Variants in RAB28 observed in about 807,000 individuals in gnomAD.
RAB28 encodes RAB28, member RAS oncogene family, also known as ras-related protein Rab-28.
A neutral mutation model predicts 31.7 loss-of-function variants in RAB28; 24 were observed. The ratio of observed to expected loss-of-function variants is 0.76; its 90% CI spans 0.55 to 1.06. The LOEUF is 1.06. Among genes scored for constraint, RAB28 ranks in the 50% least tolerant of loss-of-function variants. The probability of loss-of-function intolerance (pLI) is 0.00; values close to 1 mark genes in which losing one functional copy is unlikely to be tolerated. For missense variants in RAB28, 254 were observed against 258.5 expected (o/e 0.98, Z 0.12); for synonymous variants, 100 against 90.4 (o/e 1.11, Z -0.60).
Position 13,367,777 on chromosome 4 carries a change from C to G in RAB28, c.*781G>C. 1.0e-6 allele frequency: 1 copy of G among 985,206 alleles called. No individual in the cohort carries two copies. The highest frequency in any genetic ancestry group is 4.7e-5 in the South Asian group (1 of 21,272). 61.0% of individuals were successfully genotyped at this position (985,206 alleles called of 1,614,324 possible). A position where few individuals can be genotyped will look rare whatever the true frequency, so the allele number is the denominator to read the frequency against. On this transcript the variant is annotated 3_prime_UTR_variant, in exon 7 of 7. Coordinates refer to ENST00000330852, the MANE Select transcript of RAB28 (RefSeq NM_001017979.3). ...AAAACATCTGAACATCAGGTACAGT[C>G]TGATCCACAATGTCATAACTCATTC...
intron 6 of RAB28, among the ~76,000 whole-genome samples, chr4:13,373,098 G>A (rs992598274): frequency 2.0e-5 from 3 of 152,110 alleles, no homozygotes; most frequent in African/African-American, 7.2e-5. Context: ...TTAACACCAA[G>A]TAGATATGGC....
chr4:13,428,664 C>CA, intron 4 of RAB28, among the ~76,000 whole-genome samples: 1 of 152,130 alleles, frequency 6.6e-6, no homozygotes, highest in East Asian at 1.9e-4. Flanking sequence ...GTCAAAGCCT[C>CA]AAAAAACTGT....
intron 4 of RAB28, among the ~76,000 whole-genome samples, chr4:13,453,582 C>T (rs1715091110): frequency 6.6e-6 from 1 of 151,712 alleles, no homozygotes; most frequent in South Asian, 2.1e-4. Flanking sequence ...AAAAGGATAG[C>T]TTTGCTGGGT....
intron 4 of RAB28, among the ~76,000 whole-genome samples, chr4:13,383,955 T>C (rs1047555758): frequency 2.0e-5 from 3 of 152,168 alleles, no homozygotes; most frequent in African/African-American, 7.2e-5. Context: ...TTGCTTGCAG[T>C]GCAGTCTTGG....
chr4:13,467,069 G>A (rs532008707), intron 3 of RAB28, among the ~76,000 whole-genome samples: 1 of 151,744 alleles, frequency 6.6e-6, no homozygotes, highest in Non-Finnish European at 1.5e-5. Flanking sequence ...AATCTCAGGA[G>A]ATATAAAGAT....
rs79945160 is a variant in RAB28 at position 13,410,649 on chromosome 4, G to A, written c.392-29055C>T. ...AATATGAATGTGAGGCCACAGAGCTGTCAACCCTCAAGCAAACAGTCAATA... is the reference window on the plus strand; with the variant it reads ...AATATGAATGTGAGGCCACAGAGCTATCAACCCTCAAGCAAACAGTCAATA... On this transcript the variant is annotated intron_variant, in intron 4 of 6. Coordinates refer to ENST00000330852, the MANE Select transcript of RAB28 (RefSeq NM_001017979.3). Among the ~76,000 whole-genome samples, 1,474 of 152,210 alleles carry A rather than the reference G, an allele frequency of 9.7e-3. 26 individuals carry two copies. Among genetic ancestry groups the A allele is most frequent in the African/African-American group, 0.034 (1,393 of 41,530 alleles).
intron 6 of RAB28, chr4:13,371,789 A>G (rs1299507289): frequency 1.3e-6 from 2 of 1,546,816 alleles, no homozygotes; most frequent in East Asian, 2.4e-5. Context: ...CCTATAAAAT[A>G]CCAACCTTTA....
rs111708917 is a variant in RAB28 at position 13,421,290 on chromosome 4, T to C, written c.391+39409A>G. On this transcript the variant is annotated intron_variant, in intron 4 of 6. Coordinates refer to ENST00000330852, the MANE Select transcript of RAB28 (RefSeq NM_001017979.3). Reference sequence around the variant, plus strand: ...CAAATGGAAGAACAATCCATGCTCATGAATAGGAAGAATCAGTATTGTGAA... The same window carrying C: ...CAAATGGAAGAACAATCCATGCTCACGAATAGGAAGAATCAGTATTGTGAA... Among the ~76,000 whole-genome samples the C allele has an allele frequency of 1.1e-3, 173 of 152,290 alleles. 2 individuals are homozygous for C. The highest frequency in any genetic ancestry group is 3.4e-3 in the Middle Eastern group (1 of 294).
intron 6 of RAB28, among the ~76,000 whole-genome samples, chr4:13,373,486 C>G (rs1006515901): frequency 6.6e-6 from 1 of 152,106 alleles, no homozygotes; most frequent in African/African-American, 2.4e-5. Flanking sequence ...TCTGGGAGCT[C>G]CTTGAGGATA....
rs114805911 is a variant in RAB28 at position 13,480,721 on chromosome 4, T to C, written c.76-1195A>G. Reference sequence around the variant, plus strand: ...CATTTGTAATAAATTTCGAAGATAATTGGCCAAGTATTTGTTGAGCACTAC... The same window carrying C: ...CATTTGTAATAAATTTCGAAGATAACTGGCCAAGTATTTGTTGAGCACTAC... On this transcript the variant is annotated intron_variant, in intron 1 of 6. Transcript: ENST00000330852. 4.7e-3 allele frequency among the ~76,000 whole-genome samples: 711 copies of C among 152,054 alleles called. 6 individuals carry two copies. Among genetic ancestry groups the C allele is most frequent in the African/African-American group, 0.016 (661 of 41,560 alleles).
chr4:13,425,386 A>T (rs898199041), intron 4 of RAB28, among the ~76,000 whole-genome samples: 2 of 152,212 alleles, frequency 1.3e-5, no homozygotes, highest in East Asian at 3.9e-4. Context: ...CTAAAATTAA[A>T]GACTGAATTC....
chr4:13,373,665 T>C (rs1728804063), intron 6 of RAB28, among the ~76,000 whole-genome samples: 1 of 152,192 alleles, frequency 6.6e-6, no homozygotes, highest in African/African-American at 2.4e-5. Flanking sequence ...TCATTTTATA[T>C]AACTCCCAAA....
intron 4 of RAB28, among the ~76,000 whole-genome samples, chr4:13,407,157 T>G (rs935561773): frequency 1.3e-5 from 2 of 152,240 alleles, no homozygotes; most frequent in African/African-American, 4.8e-5. Flanking sequence ...ATTTAAGTCT[T>G]TAATCATTCT....
chr4:13,401,233 T>C lies in RAB28; in HGVS notation c.392-19639A>G, dbSNP rs189651285. On this transcript the variant is annotated intron_variant, in intron 4 of 6. Transcript: ENST00000330852. ...TTCTTTGTGGAAACATTCCAAATTA[T>C]GAATTCAACTTTTTTCATAAATGCA... Among the ~76,000 whole-genome samples, 6 of 152,350 alleles carry C rather than the reference T, an allele frequency of 3.9e-5. No homozygotes were observed. The East Asian group carries it at 1.2e-3, about 29-fold the overall frequency.
At chr4:13,479,607 C>A in intron 1 of RAB28, 81 bp from the exon 2 acceptor site, 2 of 937,966 alleles carry the variant, frequency 2.1e-6, no homozygotes, top group East Asian at 2.5e-5. Flanking sequence ...CTTAAGCAAT[C>A]TTAACATGTA....
chr4:13,470,895 T>G (rs1434712210), intron 3 of RAB28, among the ~76,000 whole-genome samples: 4 of 152,112 alleles, frequency 2.6e-5, no homozygotes, highest in Non-Finnish European at 5.9e-5. Flanking sequence ...ATTGCTAACA[T>G]TTAATGTTGC....
At chr4:13,432,548 T>C (rs1577208992) in intron 4 of RAB28, among the ~76,000 whole-genome samples, 1 of 151,736 alleles carries the variant, frequency 6.6e-6, no homozygotes, top group Admixed American at 6.6e-5. Flanking sequence ...GAGAAAGGGG[T>C]CAAATTACAT....
intron 4 of RAB28, among the ~76,000 whole-genome samples, chr4:13,441,436 G>T (rs1343229996): frequency 6.6e-6 from 1 of 152,148 alleles, no homozygotes; most frequent in Non-Finnish European, 1.5e-5. Context: ...ATAGTCTACA[G>T]CAATTAATCT....
intron 2 of RAB28, among the ~76,000 whole-genome samples, chr4:13,476,213 T>C (rs1716352823): frequency 6.6e-6 from 1 of 151,498 alleles, no homozygotes; most frequent in African/African-American, 2.4e-5. Context: ...AGGAACATGA[T>C]CTTCATTACA....
Sources: allele counts gnomAD v4.1 joint callset (sites outside exome capture counted in the v4.1 genomes callset), GRCh38; gene constraint gnomAD v4.1.1; transcripts MANE v1.5; gene names NCBI Gene and HGNC (gene_info 2026-07-23, HGNC 2026-07-21).